PCOLCE: variants seen among roughly 807,000 people sequenced by gnomAD.
PCOLCE encodes the protein procollagen C-endopeptidase enhancer, also known as procollagen C-endopeptidase enhancer 1.
PCOLCE carries 33 observed loss-of-function variants against 47.2 expected under a neutral mutation model. The observed-to-expected ratio is 0.70, with a 90% CI of 0.53 to 0.93. PCOLCE has a LOEUF of 0.93. Among genes scored for constraint, PCOLCE ranks in the 40% least tolerant of loss-of-function variants. The pLI, the probability that PCOLCE is intolerant of heterozygous loss-of-function variation, is 0.00. For missense variants in PCOLCE, 584 were observed against 585.3 expected (o/e 1.00, Z 0.02); for synonymous variants, 254 against 252.5 (o/e 1.01, Z -0.06).
At position 100,602,940 on chromosome 7, in the gene PCOLCE, GT is replaced by G. The variant is rs146746944; in HGVS notation, c.95+392del. 1,199 of 301,572 alleles carry G rather than the reference GT, an allele frequency of 4.0e-3. 16 individuals are homozygous for G. Among genetic ancestry groups the G allele is most frequent in the African/African-American group, 0.024 (1,081 of 45,190 alleles). 18.7% of individuals were successfully genotyped at this position (301,572 alleles called of 1,614,324 possible). On this transcript the variant is annotated intron_variant, in intron 1 of 8. Coordinates refer to ENST00000223061, the MANE Select transcript of PCOLCE (RefSeq NM_002593.4). ...GACTTGGGAGTCAGAATCTGAAGTAGTTTGGAACAGGGGCAGGGCTAAGGTG... is the reference window on the plus strand; with the variant it reads ...GACTTGGGAGTCAGAATCTGAAGTAGTTGGAACAGGGGCAGGGCTAAGGTG...
chr7:100,604,404 C>A lies in PCOLCE; in HGVS notation c.463+187C>A. 1.6e-6 allele frequency: 1 copy of A among 623,360 alleles called. No homozygotes were observed. The highest frequency in any genetic ancestry group is 2.8e-6 in the Non-Finnish European group (1 of 352,964). The allele number at this position is 623,360 out of a possible 1,614,324, so 38.6% of individuals were successfully genotyped here. ...CTCCCCGTCTTCTCTCCCCTCCTCCCGCACCCACCCATCCCTCTTCCAGGG... is the reference window on the plus strand; with the variant it reads ...CTCCCCGTCTTCTCTCCCCTCCTCCAGCACCCACCCATCCCTCTTCCAGGG... On this transcript the variant is annotated intron_variant, in intron 3 of 8. Coordinates refer to ENST00000223061, the MANE Select transcript of PCOLCE (RefSeq NM_002593.4). The surrounding 1 kb of genome is among the most constrained non-coding windows in gnomAD (Gnocchi z 6.4).
chr7:100,603,452 G>A lies in PCOLCE; in HGVS notation c.118G>A (p.Asp40Asn). Residue 40 changes from aspartate to asparagine, a missense_variant, in exon 2 of 9, where the codon GAT becomes AAT. Physicochemically the swap from Asp to Asn is conservative, Grantham distance 23. Transcript: ENST00000223061. ...YTRPVFLCGG[D>N]VKGESGYVAS... is the part of the protein sequence containing the mutation. Reference sequence around the variant, plus strand: ...CAGACCCGTGTTCCTGTGCGGAGGGGATGTGAAGGGGGAATCAGGTTACGT... The same window carrying A: ...CAGACCCGTGTTCCTGTGCGGAGGGAATGTGAAGGGGGAATCAGGTTACGT... 1 of 1,604,850 alleles carries A rather than the reference G, an allele frequency of 6.2e-7. No individual in the cohort carries two copies. The highest frequency in any genetic ancestry group is 8.5e-7 in the Non-Finnish European group (1 of 1,174,972).
Position 100,605,764 on chromosome 7 carries a change from G to C in PCOLCE, c.677G>C (p.Ser226Thr), listed in dbSNP as rs993819755. The change falls in exon 5 of 9, where the codon AGC becomes ACC. Residue 226 changes from serine to threonine, a missense_variant. Coordinates refer to ENST00000223061, the MANE Select transcript of PCOLCE (RefSeq NM_002593.4). This position sits in a 1 kb window ranked among gnomAD's most constrained non-coding sequence, Gnocchi z 6.1. ...DSVSVFNGAV[S>T]DDSRRLGKFC... is the part of the protein sequence containing the mutation. ...GTCAGCGTGTTCAACGGAGCCGTGA[G>C]CGACGACTCCCGGAGGCTGGGGAAG... 1 of 1,558,960 alleles carries C rather than the reference G, an allele frequency of 6.4e-7. No individual in the cohort carries two copies. The highest frequency in any genetic ancestry group is 1.4e-5 in the African/African-American group (1 of 73,508).
chr7:100,605,310 G>A lies in PCOLCE; in HGVS notation c.588+95G>A, dbSNP rs529185819. The A allele has an allele frequency of 9.8e-4, 1,290 of 1,310,956 alleles. 7 individuals carry two copies. Among genetic ancestry groups the A allele is most frequent in the South Asian group, 5.4e-3 (377 of 69,836 alleles). 81.2% of individuals were successfully genotyped at this position (1,310,956 alleles called of 1,614,324 possible). A position where few individuals can be genotyped will look rare whatever the true frequency, so the allele number is the denominator to read the frequency against. On this transcript the variant is annotated intron_variant, in intron 4 of 8. Coordinates refer to ENST00000223061, the MANE Select transcript of PCOLCE (RefSeq NM_002593.4). The surrounding 1 kb of genome is among the most constrained non-coding windows in gnomAD (Gnocchi z 6.1). ...ATTTATTGAAGATCTGCTGTGTCCCGAGCACTGCGCTTGCGCTGGTGGGCA... is the reference window on the plus strand; with the variant it reads ...ATTTATTGAAGATCTGCTGTGTCCCAAGCACTGCGCTTGCGCTGGTGGGCA...
In PCOLCE at chr7:100,605,903, G is replaced by C; in HGVS notation, c.725+91G>C. 1 of 1,388,956 alleles carries C rather than the reference G, an allele frequency of 7.2e-7. No individual in the cohort carries two copies. The highest frequency in any genetic ancestry group is 9.8e-7 in the Non-Finnish European group (1 of 1,019,104). 86.0% of individuals were successfully genotyped at this position (1,388,956 alleles called of 1,614,324 possible). Reference sequence around the variant, plus strand: ...AGGGGCGGGGTTCAGCTAAAGGGACGGGATCTGAACCCCAGGGCTCCAAAC... The same window carrying C: ...AGGGGCGGGGTTCAGCTAAAGGGACCGGATCTGAACCCCAGGGCTCCAAAC... On this transcript the variant is annotated intron_variant, in intron 5 of 8. Coordinates refer to ENST00000223061, the MANE Select transcript of PCOLCE (RefSeq NM_002593.4). This position sits in a 1 kb window ranked among gnomAD's most constrained non-coding sequence, Gnocchi z 6.1.
Position 100,603,973 on chromosome 7 carries a change from G to A in PCOLCE, c.219G>A (p.Gln73=), listed in dbSNP as rs758274097. 1 of 1,601,830 alleles carries A rather than the reference G, an allele frequency of 6.2e-7. No homozygotes were observed. Among genetic ancestry groups the A allele is most frequent in the South Asian group, 1.1e-5 (1 of 91,072 alleles). Residue 73 remains glutamine, a synonymous_variant, in exon 3 of 9, where the codon CAG becomes CAA. Coordinates refer to ENST00000223061, the MANE Select transcript of PCOLCE (RefSeq NM_002593.4). The stretch of plus-strand genomic sequence containing the variant: ...CCCGCTATCAGGTCCCCGAGGGCCA[G>A]ACTGTGTCCCTCTCATTCCGAGTCT... ...CIWTITVPEG[Q]TVSLSFRVFD...
chr7:100,603,892 A>C, intron 2 of PCOLCE, 67 bp from the exon 3 acceptor site: 1 of 1,552,322 alleles, frequency 6.4e-7, no homozygotes, highest in Non-Finnish European at 8.7e-7. Context: ...GGGGCAGGGG[A>C]GCTGCCCTCT....
At chr7:100,603,601 G>A (rs548507722) in intron 2 of PCOLCE, 63 bp downstream of exon 2, 1 of 735,368 alleles carries the variant, frequency 1.4e-6, no homozygotes, top group South Asian at 1.7e-5. Context: ...GCCTGACTGC[G>A]AAGGGACCCC....
chr7:100,603,273 G>C, intron 1 of PCOLCE, 157 bp from the exon 2 acceptor site: 1 of 531,384 alleles, frequency 1.9e-6, no homozygotes, highest in South Asian at 2.7e-5. Flanking sequence ...GCCCTGTCCT[G>C]GCTGGTGGAA....
Position 100,607,090 on chromosome 7 carries a change from C to CAAAAA in PCOLCE, c.941-350_941-346dup, listed in dbSNP as rs559618495. Among the ~76,000 whole-genome samples, 109 of 105,246 alleles carry CAAAAA rather than the reference C, an allele frequency of 1.0e-3. 1 individual carries two copies. Among genetic ancestry groups the CAAAAA allele is most frequent in the Middle Eastern group, 4.9e-3 (1 of 206 alleles). 69.0% of individuals were successfully genotyped at this position (105,246 alleles called of 152,430 possible). ...TGGGTTACAGAGTGAGATTCTGTCTCAAAAAAAAAAAAAAAACTTAGCCAG... is the reference window on the plus strand; with the variant it reads ...TGGGTTACAGAGTGAGATTCTGTCTCAAAAAAAAAAAAAAAAAAAAACTTAGCCAG... On this transcript the variant is annotated intron_variant, in intron 6 of 8. Coordinates refer to ENST00000223061, the MANE Select transcript of PCOLCE (RefSeq NM_002593.4).
rs966173878 is a variant in PCOLCE at position 100,604,329 on chromosome 7, C to T, written c.463+112C>T. ...CACCCCGCGCCCCAGTGCCTAGGGC[C>T]CCCTACCTCCCTGACCCATTTTCCT... On this transcript the variant is annotated intron_variant, in intron 3 of 8. Transcript: ENST00000223061. This position sits in a 1 kb window ranked among gnomAD's most constrained non-coding sequence, Gnocchi z 6.4. 1.3e-4 allele frequency: 118 copies of T among 925,608 alleles called. No individual in the cohort carries two copies. Among genetic ancestry groups the T allele is most frequent in the Non-Finnish European group, 1.9e-4 (115 of 620,586 alleles). The allele number at this position is 925,608 out of a possible 1,614,324, so 57.3% of individuals were successfully genotyped here. A position where few individuals can be genotyped will look rare whatever the true frequency, so the allele number is the denominator to read the frequency against.
Position 100,605,291 on chromosome 7 carries a change from T to C in PCOLCE, c.588+76T>C, listed in dbSNP as rs1340686610. ...CAGCTTGCAGCCAGCAGAGATTTAT[T>C]GAAGATCTGCTGTGTCCCGAGCACT... On this transcript the variant is annotated intron_variant, in intron 4 of 8. Transcript: ENST00000223061. The surrounding 1 kb of genome is among the most constrained non-coding windows in gnomAD (Gnocchi z 6.1). The C allele has an allele frequency of 1.4e-6, 2 of 1,458,296 alleles. No individual in the cohort carries two copies. The highest frequency in any genetic ancestry group is 1.4e-5 in the African/African-American group (1 of 71,710). The allele number at this position is 1,458,296 out of a possible 1,614,324, so 90.3% of individuals were successfully genotyped here.
chr7:100,604,064 TC>T lies in PCOLCE; in HGVS notation c.312del (p.Gly105AlafsTer16). On this transcript the variant is annotated frameshift_variant, in exon 3 of 9. Transcript: ENST00000223061. LOFTEE classifies it high-confidence loss of function. The surrounding 1 kb of genome is among the most constrained non-coding windows in gnomAD (Gnocchi z 6.4). ...GGAGGTCTTCGCTGGGTCTGGGACTTCCGGCCAGCGGCTCGGACGCTTTTGT... is the reference window on the plus strand; with the variant it reads ...GGAGGTCTTCGCTGGGTCTGGGACTTCGGCCAGCGGCTCGGACGCTTTTGT... ...ALEVFAGSGT[S>X]GQRLGRFCGT... is the part of the protein sequence containing the mutation. The T allele has an allele frequency of 6.2e-7, 1 of 1,609,094 alleles. No homozygotes were observed. The highest frequency in any genetic ancestry group is 8.5e-7 in the Non-Finnish European group (1 of 1,179,998).
Position 100,605,574 on chromosome 7 carries a change from C to T in PCOLCE, c.589-102C>T. On this transcript the variant is annotated intron_variant, in intron 4 of 8. Transcript: ENST00000223061. The surrounding 1 kb of genome is among the most constrained non-coding windows in gnomAD (Gnocchi z 6.1). ...CTTCAGGAGGGGGGCCCAGAGGACG[C>T]GGGAGGTGGGAGTGGGAGCTGCTGC... 7.1e-7 allele frequency: 1 copy of T among 1,398,986 alleles called. No individual in the cohort carries two copies. The highest frequency in any genetic ancestry group is 9.7e-7 in the Non-Finnish European group (1 of 1,031,176). 86.7% of individuals were successfully genotyped at this position (1,398,986 alleles called of 1,614,324 possible).
chr7:100,607,438 C>T lies in PCOLCE; in HGVS notation c.941-14C>T. On this transcript the variant is annotated splice_polypyrimidine_tract_variant and intron_variant, in intron 6 of 8. Transcript: ENST00000223061. Reference sequence around the variant, plus strand: ...CCTGCTGAGCAGGTCACCCTCCACCCTCCTCCCTCCTAGATGCACCCACCT... The same window carrying T: ...CCTGCTGAGCAGGTCACCCTCCACCTTCCTCCCTCCTAGATGCACCCACCT... 6.2e-7 allele frequency: 1 copy of T among 1,610,898 alleles called. No homozygotes were observed. Among genetic ancestry groups the T allele is most frequent in the Non-Finnish European group, 8.5e-7 (1 of 1,177,422 alleles).
chr7:100,605,826 C>A lies in PCOLCE; in HGVS notation c.725+14C>A, dbSNP rs1426361567. ...CGCAGTCCCGGGGTGAGGGGCGGGA[C>A]CTGGGCGAGTCCGGGAGAGAGTCGG... is the stretch of plus-strand genomic sequence containing the variant. On this transcript the variant is annotated intron_variant, in intron 5 of 8. Transcript: ENST00000223061. The surrounding 1 kb of genome is among the most constrained non-coding windows in gnomAD (Gnocchi z 6.1). The A allele has an allele frequency of 1.6e-5, 25 of 1,550,004 alleles. No individual in the cohort carries two copies. Among genetic ancestry groups the A allele is most frequent in the Non-Finnish European group, 2.2e-5 (25 of 1,146,496 alleles).
intron 6 of PCOLCE, among the ~76,000 whole-genome samples, chr7:100,607,136 C>T (rs1802731157): frequency 6.6e-6 from 1 of 150,436 alleles, no homozygotes; most frequent in Non-Finnish European, 1.5e-5. Context: ...ATAGCTACTC[C>T]GGAGGCTGAG....
In PCOLCE at chr7:100,605,743, G is replaced by T; in HGVS notation, c.656G>T (p.Ser219Ile). ...ACCTACTGCCGCTATGACTCGGTCA[G>T]CGTGTTCAACGGAGCCGTGAGCGAC... Reference protein sequence around the residue: ...PDTYCRYDSVSVFNGAVSDDS... With the variant: ...PDTYCRYDSVIVFNGAVSDDS... The change falls in exon 5 of 9, where the codon AGC becomes ATC. Residue 219 changes from serine to isoleucine, a missense_variant. By Grantham distance (142) the Ser-to-Ile change is moderately radical. Coordinates refer to ENST00000223061, the MANE Select transcript of PCOLCE (RefSeq NM_002593.4). The surrounding 1 kb of genome is among the most constrained non-coding windows in gnomAD (Gnocchi z 6.1). The T allele has an allele frequency of 6.4e-7, 1 of 1,567,948 alleles. No homozygotes were observed.
At chr7:100,602,620 C>G (rs1363272057) in intron 1 of PCOLCE, 69 bp downstream of exon 1, 1 of 1,034,618 alleles carries the variant, frequency 9.7e-7, no homozygotes, top group African/African-American at 1.6e-5. Flanking sequence ...GGGGTTATGC[C>G]TGGAGATATT....
Sources: gnomAD v4.1 joint callset for allele counts (sites outside exome capture counted in the v4.1 genomes callset) on GRCh38, gnomAD v4.1.1 for gene constraint, Gnocchi (gnomAD v3.1) non-coding constraint, MANE v1.5 for transcripts, NCBI Gene and HGNC (gene_info 2026-07-23, HGNC 2026-07-21) for gene names.